The following OR1J2 variants were observed in gnomAD, a reference collection of about 807,000 sequenced individuals.
OR1J2 encodes olfactory receptor family 1 subfamily J member 2.
For missense variants in OR1J2, 304 were observed against 246.1 expected (o/e 1.24, Z -1.57); for synonymous variants, 142 against 99.7 (o/e 1.42, Z -2.52).
At chr9:122,578,241 G>C in the OR1J2 span, 2 of 152,178 alleles carry the variant, frequency 1.3e-5, no homozygotes, top group Admixed American at 1.3e-4. Context: ...ATGAGGTCAG[G>C]AGTTTGAGAC....
the OR1J2 span, among the ~76,000 whole-genome samples, chr9:122,524,997 C>T: frequency 4.0e-4 from 61 of 152,188 alleles, no homozygotes; most frequent in South Asian, 0.012. Context: ...TGTCAGTGGT[C>T]TTTGGTCAGT....
At chr9:122,575,572 T>A in the OR1J2 span, among the ~76,000 whole-genome samples, 3 of 152,288 alleles carry the variant, frequency 2.0e-5, no homozygotes, top group Non-Finnish European at 1.5e-5. Context: ...CATTAATAAT[T>A]TGTGTCCTCT....
At chr9:122,475,791 A>G in the OR1J2 span, 1 of 152,142 alleles carries the variant, frequency 6.6e-6, no homozygotes, top group African/African-American at 2.4e-5. Flanking sequence ...GTGTGTCTGG[A>G]TAGTTCTCAT....
the OR1J2 span, among the ~76,000 whole-genome samples, chr9:122,476,478 A>G: frequency 6.6e-6 from 1 of 152,246 alleles, no homozygotes; most frequent in East Asian, 1.9e-4. Flanking sequence ...CCAAGAAAAG[A>G]GCAAACAAAG....
chr9:122,478,865 C>T, the OR1J2 span, among the ~76,000 whole-genome samples: 1 of 149,476 alleles, frequency 6.7e-6, no homozygotes, highest in South Asian at 2.2e-4. Flanking sequence ...CTGTAACCTC[C>T]GCCTCCTGGG....
At chr9:122,486,041 A>T in the OR1J2 span, among the ~76,000 whole-genome samples, 361 of 151,178 alleles carry the variant, frequency 2.4e-3, no homozygotes, top group Middle Eastern at 0.014. Context: ...ACTCACTGCA[A>T]CCTCTGCCTC....
At chr9:122,467,541 C>G in the OR1J2 span, among the ~76,000 whole-genome samples, 3 of 152,160 alleles carry the variant, frequency 2.0e-5, no homozygotes, top group African/African-American at 7.2e-5. Flanking sequence ...AAATACCTGT[C>G]TCTTTAAAGG....
the OR1J2 span, among the ~76,000 whole-genome samples, chr9:122,480,138 C>A: frequency 6.6e-6 from 1 of 152,074 alleles, no homozygotes; most frequent in African/African-American, 2.4e-5. Context: ...TTCACTATAA[C>A]ATATCACAGC....
the OR1J2 span, among the ~76,000 whole-genome samples, chr9:122,453,509 A>G: frequency 6.6e-6 from 1 of 152,320 alleles, no homozygotes; most frequent in South Asian, 2.1e-4. Flanking sequence ...GTGATACAAG[A>G]CTAATTCAAG....
At chr9:122,544,666 T>C in the OR1J2 span, among the ~76,000 whole-genome samples, 1 of 152,058 alleles carries the variant, frequency 6.6e-6, no homozygotes, top group East Asian at 1.9e-4. Context: ...GGATCTGCCC[T>C]CCTCGGCCTC....
the OR1J2 span, chr9:122,568,525 C>G: frequency 1.8e-6 from 2 of 1,109,920 alleles, no homozygotes; most frequent in Non-Finnish European, 2.6e-6. Context: ...TTAACATGCT[C>G]TGATTTCATA....
the OR1J2 span, among the ~76,000 whole-genome samples, chr9:122,492,737 A>T: frequency 6.6e-6 from 1 of 152,168 alleles, no homozygotes; most frequent in African/African-American, 2.4e-5. Flanking sequence ...TAGGACTTCT[A>T]GTACTATGTT....
the OR1J2 span, among the ~76,000 whole-genome samples, chr9:122,457,565 T>C: frequency 6.6e-6 from 1 of 151,652 alleles, no homozygotes; most frequent in African/African-American, 2.4e-5. Context: ...CAAGAAACTA[T>C]GGCCCATTCA....
At chr9:122,577,053 A>G in the OR1J2 span, among the ~76,000 whole-genome samples, 1 of 152,200 alleles carries the variant, frequency 6.6e-6, no homozygotes, top group African/African-American at 2.4e-5. Flanking sequence ...TTCTGGGTGG[A>G]GGCAGGAAAA....
chr9:122,526,966 T>C, the OR1J2 span: 1 of 1,614,196 alleles, frequency 6.2e-7, no homozygotes. Context: ...AGGAAGAAGC[T>C]GTCTAGATCA....
At chr9:122,472,007 C>T in the OR1J2 span, among the ~76,000 whole-genome samples, 1 of 152,164 alleles carries the variant, frequency 6.6e-6, no homozygotes, top group Non-Finnish European at 1.5e-5. Context: ...TGGTCAGGTA[C>T]CATCAATAAA....
the OR1J2 span, chr9:122,554,082 T>G: frequency 6.2e-7 from 1 of 1,613,416 alleles, no homozygotes; most frequent in Non-Finnish European, 8.5e-7. Flanking sequence ...GCTAAACCCA[T>G]TCATTTATAG....
At chr9:122,573,710 G>A in the OR1J2 span, among the ~76,000 whole-genome samples, 10 of 152,142 alleles carry the variant, frequency 6.6e-5, no homozygotes, top group Middle Eastern at 3.4e-3. Flanking sequence ...TTATTCTCTT[G>A]ACAGTGACTT....
At chr9:122,459,380 A>G in the OR1J2 span, among the ~76,000 whole-genome samples, 1 of 152,210 alleles carries the variant, frequency 6.6e-6, no homozygotes, top group African/African-American at 2.4e-5. Context: ...TGTTTCTACA[A>G]CAAGGTTTAT....
Sources: gnomAD v4.1 joint callset for allele counts (sites outside exome capture counted in the v4.1 genomes callset) on GRCh38, gnomAD v4.1.1 for gene constraint, MANE v1.5 for transcripts, NCBI Gene and HGNC (gene_info 2026-07-23, HGNC 2026-07-21) for gene names.